Variants in DHX30 observed in about 807,000 individuals in gnomAD.
DHX30 encodes the protein ATP-dependent RNA helicase DHX30.
A neutral mutation model predicts 116.9 loss-of-function variants in DHX30; 4 were observed. The observed-to-expected ratio is 0.03, with a 90% confidence interval of 0.02 to 0.08. The LOEUF (loss-of-function observed/expected upper bound fraction) is 0.08. Ranked by LOEUF, DHX30 falls within the 10% of genes least tolerant of loss-of-function variation. The pLI, the probability that DHX30 is intolerant of heterozygous loss-of-function variation, is 1.00. For synonymous variants in DHX30, 697 were observed against 651.7 expected (o/e 1.07, Z -1.06); for missense variants, 871 against 1,595.1 (o/e 0.55, Z 7.73).
rs1446420695 is a variant in DHX30 at position 47,847,521 on chromosome 3, T to C, written c.2095T>C (p.Tyr699His). 6.2e-7 allele frequency: 1 copy of C among 1,609,316 alleles called. No homozygotes were observed. Among genetic ancestry groups the C allele is most frequent in the East Asian group, 2.2e-5 (1 of 44,662 alleles). The change falls in exon 13 of 22, where the codon TAC becomes CAC. Residue 699 changes from tyrosine (Y) to histidine (H), a missense_variant. This residue lies in a region of DHX30 where 49 missense variants were observed against 60.9 expected (regional missense o/e 0.80). Coordinates refer to ENST00000445061, the MANE Select transcript of DHX30 (RefSeq NM_138615.3). This position sits in a 1 kb window ranked among gnomAD's most constrained non-coding sequence, Gnocchi z 5.5. ...QEALGMHESK[Y>H]LILPVHSNIP... ...GGCCCTGGGCATGCACGAGAGCAAG[T>C]ACCTCATCCTGCCAGGTGAGAGCCC...
chr3:47,843,094 C>T lies in DHX30; in HGVS notation c.790-12C>T. 6.2e-7 allele frequency: 1 copy of T among 1,613,682 alleles called. No homozygotes were observed. On this transcript the variant is annotated splice_polypyrimidine_tract_variant and intron_variant, in intron 8 of 21. Coordinates refer to ENST00000445061, the MANE Select transcript of DHX30 (RefSeq NM_138615.3). ...TACATTTCTGTAACCATCTCTCTTGCCTTCCATGTAGAACCTCATGCAGTT... is the reference window on the plus strand; with the variant it reads ...TACATTTCTGTAACCATCTCTCTTGTCTTCCATGTAGAACCTCATGCAGTT...
At position 47,840,933 on chromosome 3, in the gene DHX30, G is replaced by A; in HGVS notation, c.423G>A (p.Val141=). Residue 141 remains valine, a synonymous_variant, in exon 7 of 22, where the codon GTG becomes GTA. Coordinates refer to ENST00000445061, the MANE Select transcript of DHX30 (RefSeq NM_138615.3). ...NELFDAAKYR[V]LADRFGSPAD... ...TGTTTGACGCAGCCAAATACCGAGT[G>A]CTAGCTGATCGCTTTGGCTCCCCTG... 6.2e-7 allele frequency: 1 copy of A among 1,614,236 alleles called. No homozygotes were observed. The highest frequency in any genetic ancestry group is 8.5e-7 in the Non-Finnish European group (1 of 1,180,044).
intron 6 of DHX30, among the ~76,000 whole-genome samples, chr3:47,835,153 G>A (rs1456001942): frequency 2.0e-5 from 3 of 150,928 alleles, no homozygotes; most frequent in African/African-American, 7.3e-5. Flanking sequence ...ACAGGCATGT[G>A]CCATCATGCC....
chr3:47,826,954 G>A (rs1205013886), intron 4 of DHX30, among the ~76,000 whole-genome samples: 1 of 152,160 alleles, frequency 6.6e-6, no homozygotes, highest in East Asian at 1.9e-4. Flanking sequence ...GTTTGTGTGT[G>A]TGGTGGATTT....
chr3:47,827,514 A>T, intron 5 of DHX30, 37 bp downstream of exon 5: 1 of 1,594,854 alleles, frequency 6.3e-7, no homozygotes. Context: ...CATTGGTATG[A>T]CTCAGAAAGG....
At chr3:47,818,755 C>T (rs1168147471) in intron 4 of DHX30, among the ~76,000 whole-genome samples, 4 of 152,108 alleles carry the variant, frequency 2.6e-5, no homozygotes, top group African/African-American at 9.7e-5. Flanking sequence ...TGCACATGAG[C>T]GCCTCCTCTT....
At chr3:47,817,418 A>G (rs1205431914) in intron 3 of DHX30, among the ~76,000 whole-genome samples, 4 of 152,196 alleles carry the variant, frequency 2.6e-5, no homozygotes, top group African/African-American at 9.6e-5. Flanking sequence ...AATAAGTAGC[A>G]TTTAGCCCCC....
intron 6 of DHX30, among the ~76,000 whole-genome samples, chr3:47,835,827 T>C (rs2037087408): frequency 6.6e-6 from 1 of 152,242 alleles, no homozygotes; most frequent in South Asian, 2.1e-4. Context: ...ATGCCTTTTT[T>C]TCTTGTCTGC....
At position 47,841,185 on chromosome 3, in the gene DHX30, A is replaced by G. The variant is rs746319124; in HGVS notation, c.668+7A>G. On this transcript the variant is annotated splice_region_variant and intron_variant, in intron 7 of 21. Coordinates refer to ENST00000445061, the MANE Select transcript of DHX30 (RefSeq NM_138615.3). The stretch of plus-strand genomic sequence containing the variant: ...CTCCACTCAGGGACTCAAGGTACAG[A>G]TGGAGGATGGGGATGCAGCAGAGGC... 1.2e-6 allele frequency: 2 copies of G among 1,612,734 alleles called. No homozygotes were observed. The highest frequency in any genetic ancestry group is 2.7e-5 in the African/African-American group (2 of 74,922).
intron 6 of DHX30, among the ~76,000 whole-genome samples, chr3:47,839,176 G>A (rs773838996): frequency 6.6e-6 from 1 of 151,878 alleles, no homozygotes; most frequent in Non-Finnish European, 1.5e-5. Flanking sequence ...CTGTAGAAAA[G>A]CATGAAGCTA....
At chr3:47,824,980 G>T in intron 4 of DHX30, 1 of 513,016 alleles carries the variant, frequency 1.9e-6, no homozygotes, top group Non-Finnish European at 3.4e-6. Flanking sequence ...CGGGCCGGCC[G>T]CTCCCGTTCT....
Position 47,827,451 on chromosome 3 carries a change from G to T in DHX30, c.229G>T (p.Val77Leu). The change falls in exon 5 of 22, where the codon GTG (valine) becomes TTG (leucine). Residue 77 changes from valine to leucine, a missense_variant. Val to Leu is a conservative substitution (Grantham distance 32). This residue lies in a region of DHX30 where 66 missense variants were observed against 153.9 expected (regional missense o/e 0.43). Transcript: ENST00000445061. ...ISHAKDKLVY[V>L]HTNGPKKKKV... is the part of the protein sequence containing the mutation. The stretch of plus-strand genomic sequence containing the variant: ...ACATGCAAAAGACAAACTAGTCTAC[G>T]TGCACACAAATGGACCGAAGAAAAA... 6.2e-6 allele frequency: 10 copies of T among 1,613,640 alleles called. No individual in the cohort carries two copies. The highest frequency in any genetic ancestry group is 8.5e-6 in the Non-Finnish European group (10 of 1,179,782).
intron 6 of DHX30, 99 bp from the exon 7 acceptor site, chr3:47,840,778 G>A (rs1044479027): frequency 7.4e-6 from 11 of 1,483,842 alleles, no homozygotes; most frequent in East Asian, 4.7e-5. Flanking sequence ...GAAAAACCAC[G>A]GCTGCACAAC....
intron 2 of DHX30, among the ~76,000 whole-genome samples, chr3:47,806,991 AG>A (rs2035558380): frequency 6.6e-6 from 1 of 151,528 alleles, no homozygotes; most frequent in Non-Finnish European, 1.5e-5. Flanking sequence ...GCGGATCACA[AG>A]GTCAGGAGTT....
chr3:47,831,141 A>T (rs1399327472), intron 6 of DHX30: 1 of 151,632 alleles, frequency 6.6e-6, no homozygotes, highest in African/African-American at 2.4e-5. Context: ...AAAGAGGTTT[A>T]TTTGTCTCAC....
chr3:47,815,723 C>CAAAAAAAAAAAA (rs11349970), intron 3 of DHX30, among the ~76,000 whole-genome samples: 23 of 20,762 alleles, frequency 1.1e-3, no homozygotes, highest in Non-Finnish European at 1.2e-3. Context: ...TAAAAAAGAG[C>CAAAAAAAAAAAA]AAAAAAAAAA....
chr3:47,848,628 G>C lies in DHX30; in HGVS notation c.2580G>C (p.Val860=). 6.2e-7 allele frequency: 1 copy of C among 1,614,106 alleles called. No individual in the cohort carries two copies. Among genetic ancestry groups the C allele is most frequent in the Non-Finnish European group, 8.5e-7 (1 of 1,179,990 alleles). Residue 860 remains valine, a synonymous_variant, in exon 17 of 22, where the codon GTG becomes GTC. Coordinates refer to ENST00000445061, the MANE Select transcript of DHX30 (RefSeq NM_138615.3). The surrounding 1 kb of genome is among the most constrained non-coding windows in gnomAD (Gnocchi z 9.4). ...EAVILLQEIG[V]LDQREYLTTL... is the part of the protein sequence containing the mutation. The stretch of plus-strand genomic sequence containing the variant: ...CTGACAGCTGAGCCGTTGCAGGGGT[G>C]CTGGACCAGCGGGAGTACCTGACTA...
rs115081898 is a variant in DHX30, at chr3:47,817,862, G to A, written c.29-160G>A. 1,245 of 708,232 alleles carry A rather than the reference G, an allele frequency of 1.8e-3. 5 individuals carry two copies. The highest frequency in any genetic ancestry group is 0.011 in the African/African-American group (607 of 57,208). 43.9% of individuals were successfully genotyped at this position (708,232 alleles called of 1,614,324 possible). On this transcript the variant is annotated intron_variant, in intron 3 of 21. Coordinates refer to ENST00000445061, the MANE Select transcript of DHX30 (RefSeq NM_138615.3). Reference sequence around the variant, plus strand: ...GACGCTTGCCTTCTTCCTGTGTGGCGTTGTTAGTGCTGTTCCTCAGAACCT... The same window carrying A: ...GACGCTTGCCTTCTTCCTGTGTGGCATTGTTAGTGCTGTTCCTCAGAACCT...
At chr3:47,832,858 C>CA (rs2036923743) in intron 6 of DHX30, among the ~76,000 whole-genome samples, 2 of 151,360 alleles carry the variant, frequency 1.3e-5, no homozygotes, top group Admixed American at 6.6e-5. Flanking sequence ...AGGCTGGTCT[C>CA]AAACTCCTAA....
Sources: gnomAD v4.1 joint callset for allele counts (sites outside exome capture counted in the v4.1 genomes callset) on GRCh38, gnomAD v4.1.1 for gene constraint, gnomAD v4.1.1 regional missense constraint, Gnocchi (gnomAD v3.1) non-coding constraint, MANE v1.5 for transcripts, NCBI Gene and HGNC (gene_info 2026-07-23, HGNC 2026-07-21) for gene names.